Variants in RBFOX1 observed in about 807,000 individuals in gnomAD.
The protein encoded by RBFOX1 is RNA binding protein fox-1 homolog 1.
Under a neutral mutation model 57.7 loss-of-function variants are expected in RBFOX1, and 8 were observed. That is an observed-to-expected ratio of 0.14 (90% CI 0.08 to 0.25). The LOEUF (loss-of-function observed/expected upper bound fraction) is 0.25. RBFOX1 is among the 10% of genes least tolerant of loss of function. The pLI is 1.00. For synonymous variants in RBFOX1, 326 were observed against 222.4 expected, an observed-to-expected ratio of 1.47 and a Z score of -4.15; for missense variants, 611 against 548.5, an observed-to-expected ratio of 1.11 and a Z score of -1.14.
chr16:7,415,871 T>C (rs1445426523), intron 4 of RBFOX1, among the ~76,000 whole-genome samples: 1 of 152,192 alleles, frequency 6.6e-6, no homozygotes, highest in African/African-American at 2.4e-5. Context: ...GGAACTGTCC[T>C]TTTTGTGCAT....
intron 2 of RBFOX1, among the ~76,000 whole-genome samples, chr16:5,493,247 C>A (rs1300355903): frequency 6.6e-6 from 1 of 152,134 alleles, no homozygotes; most frequent in Non-Finnish European, 1.5e-5. Flanking sequence ...TTATTTCTTA[C>A]ATTTTGTAGA....
At chr16:6,783,052 T>C (rs964182081) in intron 3 of RBFOX1, among the ~76,000 whole-genome samples, 1 of 152,110 alleles carries the variant, frequency 6.6e-6, no homozygotes, top group Non-Finnish European at 1.5e-5. Flanking sequence ...GTACAGCTCT[T>C]TATGTTCTTT....
intron 2 of RBFOX1, among the ~76,000 whole-genome samples, chr16:5,594,969 TAAAAAAAA>T (rs34885484): frequency 1.1e-5 from 1 of 90,478 alleles, no homozygotes. Flanking sequence ...CTGTCTCTAC[TAAAAAAAA>T]AAAAAAAAAA....
At chr16:6,566,609 T>G (rs2097270090) in intron 2 of RBFOX1, among the ~76,000 whole-genome samples, 1 of 152,170 alleles carries the variant, frequency 6.6e-6, no homozygotes, top group South Asian at 2.1e-4. Flanking sequence ...CTTATTATCT[T>G]TAGAAGGTAT....
chr16:7,536,972 G>A (rs1239041434), intron 5 of RBFOX1, among the ~76,000 whole-genome samples: 1 of 152,188 alleles, frequency 6.6e-6, no homozygotes, highest in Non-Finnish European at 1.5e-5. Flanking sequence ...GGGGGATGGT[G>A]GCCCAAGTTG....
intron 2 of RBFOX1, among the ~76,000 whole-genome samples, chr16:6,337,316 T>C (rs544040374): frequency 6.6e-6 from 1 of 152,248 alleles, no homozygotes; most frequent in East Asian, 1.9e-4. Context: ...TATTGTGCCG[T>C]CCCAACAGGG....
At chr16:7,199,834 G>T (rs985639847) in intron 4 of RBFOX1, among the ~76,000 whole-genome samples, 3 of 152,138 alleles carry the variant, frequency 2.0e-5, no homozygotes, top group African/African-American at 7.2e-5. Context: ...GGTGGAGGTT[G>T]TAGTGAGCTC....
chr16:5,245,885 A>C (rs756424006), intron 1 of RBFOX1, among the ~76,000 whole-genome samples: 6 of 152,258 alleles, frequency 3.9e-5, no homozygotes, highest in Non-Finnish European at 8.8e-5. Flanking sequence ...TGACCAAAAC[A>C]TATTAGAGAA....
chr16:6,915,550 C>CTTTTTTTTTTTTTT (rs141753685), intron 3 of RBFOX1, among the ~76,000 whole-genome samples: 2 of 123,530 alleles, frequency 1.6e-5, no homozygotes, highest in Non-Finnish European at 1.7e-5. Context: ...CCACACCCCC[C>CTTTTTTTTTTTTTT]TTTTTTTTTT....
At chr16:6,431,775 C>A (rs1332366462) in intron 2 of RBFOX1, among the ~76,000 whole-genome samples, 1 of 152,062 alleles carries the variant, frequency 6.6e-6, no homozygotes, top group South Asian at 2.1e-4. Flanking sequence ...TGGAGCAAAT[C>A]ATTCTTGGTG....
At chr16:7,630,485 C>A (rs985005091) in intron 10 of RBFOX1, 118 bp from the exon 11 acceptor site, 5 of 1,533,090 alleles carry the variant, frequency 3.3e-6, no homozygotes, top group African/African-American at 2.8e-5. Flanking sequence ...CCTTGTCCTG[C>A]GCTCTGGGAT....
intron 3 of RBFOX1, among the ~76,000 whole-genome samples, chr16:6,767,313 C>G (rs1444468414): frequency 6.6e-6 from 1 of 152,044 alleles, no homozygotes; most frequent in African/African-American, 2.4e-5. Context: ...CTGTTAGAGA[C>G]TGAACACATT....
chr16:7,319,878 A>G (rs1321922107), intron 4 of RBFOX1, among the ~76,000 whole-genome samples: 1 of 152,138 alleles, frequency 6.6e-6, no homozygotes, highest in East Asian at 1.9e-4. Context: ...TATGAGTACC[A>G]ATACCATGGA....
intron 11 of RBFOX1, among the ~76,000 whole-genome samples, chr16:7,645,952 C>T (rs549804643): frequency 1.4e-5 from 2 of 144,374 alleles, no homozygotes; most frequent in Non-Finnish European, 3.0e-5. Flanking sequence ...CACCCACCCA[C>T]CTTTTTTTTT....
intron 4 of RBFOX1, among the ~76,000 whole-genome samples, chr16:7,142,837 T>C (rs1226236685): frequency 2.6e-5 from 4 of 152,014 alleles, no homozygotes; most frequent in African/African-American, 9.7e-5. Context: ...AGAAAGAAAA[T>C]GGTCAGCCCT....
At chr16:6,655,756 C>T (rs56003991) in intron 3 of RBFOX1, among the ~76,000 whole-genome samples, 7 of 152,132 alleles carry the variant, frequency 4.6e-5, no homozygotes, top group African/African-American at 1.7e-4. Flanking sequence ...CATCGTTCCA[C>T]AAGTTTGAAA....
intron 2 of RBFOX1, among the ~76,000 whole-genome samples, chr16:5,510,254 T>G (rs1356859284): frequency 6.6e-6 from 1 of 152,170 alleles, no homozygotes; most frequent in African/African-American, 2.4e-5. Context: ...AGCCGTCACT[T>G]ATTGTCACAG....
chr16:5,438,688 C>G (rs1469570983), intron 1 of RBFOX1, among the ~76,000 whole-genome samples: 1 of 152,112 alleles, frequency 6.6e-6, no homozygotes, highest in Non-Finnish European at 1.5e-5. Context: ...AAGGGTCACT[C>G]TGTTTTGGAG....
At chr16:5,906,189 C>A (rs187095773) in intron 4 of RBFOX1, among the ~76,000 whole-genome samples, 1 of 152,256 alleles carries the variant, frequency 6.6e-6, no homozygotes, top group Non-Finnish European at 1.5e-5. Context: ...CTCAGTGCCT[C>A]AGACTGTGTC....
Sources: gnomAD v4.1 joint callset for allele counts (sites outside exome capture counted in the v4.1 genomes callset) on GRCh38, gnomAD v4.1.1 for gene constraint, MANE v1.5 for transcripts, NCBI Gene and HGNC (gene_info 2026-07-23, HGNC 2026-07-21) for gene names.